ACTA2: variants seen among roughly 807,000 people sequenced by gnomAD.
ACTA2 encodes the protein actin, aortic smooth muscle.
In ACTA2, 12 loss-of-function variants were observed where a neutral mutation model predicts 39.5. The ratio of observed to expected loss-of-function variants is 0.30; its 90% confidence interval spans 0.19 to 0.49. The LOEUF (loss-of-function observed/expected upper bound fraction) is 0.49, where lower values mean the gene tolerates loss of function less well. ACTA2 is among the 20% of genes least tolerant of loss of function. ACTA2 has a pLI of 0.99. For missense variants in ACTA2, 236 were observed against 498.8 expected (o/e 0.47, Z 5.02); for synonymous variants, 158 against 180.6 (o/e 0.88, Z 1.00).
chr10:88,990,820 A>T lies in ACTA2; in HGVS notation c.-24+119T>A. 6.2e-7 allele frequency: 1 copy of T among 1,613,466 alleles called. No individual in the cohort carries two copies. The highest frequency in any genetic ancestry group is 1.1e-5 in the South Asian group (1 of 91,058). ...TGCCTCTTCTCCCGCGGGTTGGTGG[A>T]CCCGCTCAGTACGGAGTTGGGGAAG... On this transcript the variant is annotated intron_variant, in intron 1 of 4. Coordinates refer to the ACTA2 transcript ENST00000415557. This position sits in a 1 kb window ranked among gnomAD's most constrained non-coding sequence, Gnocchi z 4.9.
intron 3 of ACTA2, among the ~76,000 whole-genome samples, chr10:88,945,013 G>A (rs1322401537): frequency 6.6e-6 from 1 of 152,208 alleles, no homozygotes; most frequent in African/African-American, 2.4e-5. Context: ...GAAGGGAAAT[G>A]AAACTTCTGA....
At chr10:88,943,206 A>G (rs550204443) in intron 4 of ACTA2, among the ~76,000 whole-genome samples, 2 of 152,326 alleles carry the variant, frequency 1.3e-5, no homozygotes, top group Middle Eastern at 3.4e-3. Flanking sequence ...GGTGGGCTGG[A>G]TGGGATTCTA....
chr10:88,967,862 C>A (rs2133314232), intron 1 of ACTA2, among the ~76,000 whole-genome samples: 1 of 152,262 alleles, frequency 6.6e-6, no homozygotes, highest in South Asian at 2.1e-4. Context: ...TCCCTTTCTT[C>A]CTCTGGAGAA....
rs553575906 is a variant in ACTA2 at position 88,979,585 on chromosome 10, T to G, written c.-24+11354A>C. Among the ~76,000 whole-genome samples the G allele has an allele frequency of 1.1e-4, 16 of 151,988 alleles. 1 individual carries two copies. In the East Asian group the frequency reaches 2.9e-3, roughly 27 times the overall value. ...ACACTAGGGCTGTTCTCTCTCACTC[T>G]CCCTCTCTTTTAATTGTTAATGATG... On this transcript the variant is annotated intron_variant, in intron 1 of 4. Transcript: ENST00000415557.
chr10:88,986,644 A>G (rs988191010), intron 1 of ACTA2, among the ~76,000 whole-genome samples: 1 of 152,122 alleles, frequency 6.6e-6, no homozygotes. Flanking sequence ...GAAAGGAAGT[A>G]GTACAGAAAG....
chr10:88,939,736 G>T (rs764855634), intron 6 of ACTA2, 38 bp from the exon 7 acceptor site: 2 of 1,609,650 alleles, frequency 1.2e-6, no homozygotes, highest in South Asian at 2.2e-5. Flanking sequence ...AAACATTAGG[G>T]TCTGCACAGG....
At chr10:88,962,976 T>G (rs867407855) in intron 1 of ACTA2, among the ~76,000 whole-genome samples, 4 of 81,884 alleles carry the variant, frequency 4.9e-5, no homozygotes, top group Non-Finnish European at 7.1e-5. Flanking sequence ...TATATATATA[T>G]AATATTTTTT....
chr10:88,942,245 A>C (rs76269114), intron 4 of ACTA2, among the ~76,000 whole-genome samples: 3,047 of 152,180 alleles, frequency 0.02, 53 homozygotes, highest in South Asian at 0.084. Flanking sequence ...ACTAAATGAG[A>C]TCTCCCATTT....
At chr10:88,989,113 T>C (rs1847016393) in intron 1 of ACTA2, among the ~76,000 whole-genome samples, 1 of 152,158 alleles carries the variant, frequency 6.6e-6, no homozygotes, top group Non-Finnish European at 1.5e-5. Flanking sequence ...TTTGGCTACA[T>C]TTTTTTATTT....
At chr10:88,958,196 A>G (rs936056329) in intron 1 of ACTA2, among the ~76,000 whole-genome samples, 1 of 152,230 alleles carries the variant, frequency 6.6e-6, no homozygotes, top group African/African-American at 2.4e-5. Context: ...GGCAGACTAA[A>G]TTGATTTCGT....
At chr10:88,984,293 T>G (rs1846807097) in intron 1 of ACTA2, among the ~76,000 whole-genome samples, 1 of 152,046 alleles carries the variant, frequency 6.6e-6, no homozygotes, top group Non-Finnish European at 1.5e-5. Context: ...CTCCTAGGGC[T>G]GTTGTAGAGA....
intron 1 of ACTA2, among the ~76,000 whole-genome samples, chr10:88,967,000 T>C (rs1421198684): frequency 6.6e-6 from 1 of 152,196 alleles, no homozygotes; most frequent in Non-Finnish European, 1.5e-5. Context: ...GAGGGCAGGC[T>C]GTGTGCCAAG....
chr10:88,946,096 AT>A (rs1220425339), intron 3 of ACTA2, among the ~76,000 whole-genome samples: 2 of 151,726 alleles, frequency 1.3e-5, no homozygotes, highest in East Asian at 1.9e-4. Flanking sequence ...AGGCAAGGAC[AT>A]TTTTTTCCTT....
At chr10:88,938,408 C>G (rs1310544707) in intron 7 of ACTA2, 166 bp from the exon 8 acceptor site, 2 of 723,566 alleles carry the variant, frequency 2.8e-6, no homozygotes, top group African/African-American at 3.5e-5. Context: ...TTGTTATGCT[C>G]TATGTCTTCC....
At chr10:88,965,704 GT>G (rs1314053869) in intron 1 of ACTA2, among the ~76,000 whole-genome samples, 1 of 152,076 alleles carries the variant, frequency 6.6e-6, no homozygotes, top group Non-Finnish European at 1.5e-5. Flanking sequence ...TTTCCCCTGC[GT>G]TTCTGCAAAG....
upstream of ACTA2, among the ~76,000 whole-genome samples, chr10:88,956,532 G>A (rs1293293805): frequency 6.6e-6 from 1 of 152,166 alleles, no homozygotes; most frequent in East Asian, 1.9e-4. Context: ...TATCTGCAAA[G>A]TCACCATTTT....
At chr10:88,960,211 C>A (rs1326357796) in intron 1 of ACTA2, among the ~76,000 whole-genome samples, 1 of 152,130 alleles carries the variant, frequency 6.6e-6, no homozygotes, top group African/African-American at 2.4e-5. Flanking sequence ...GAATAAAAAT[C>A]TATTTTTGAT....
chr10:88,989,499 G>A lies in ACTA2; in HGVS notation c.-24+1440C>T, dbSNP rs2234767. The A allele has an allele frequency of 0.13, 72,620 of 543,676 alleles. 6,468 individuals carry two copies. The highest frequency in any genetic ancestry group is 0.42 in the East Asian group (9,932 of 23,514). 33.7% of individuals were successfully genotyped at this position (543,676 alleles called of 1,614,324 possible). A position where few individuals can be genotyped will look rare whatever the true frequency, so the allele number is the denominator to read the frequency against. On this transcript the variant is annotated intron_variant, in intron 1 of 4. Coordinates refer to the ACTA2 transcript ENST00000415557. Reference sequence around the variant, plus strand: ...CAGAGTGTGTGCACAAGGCTGGCACGCCCAGGGTCTTCCTCATGGCACTAA... The same window carrying A: ...CAGAGTGTGTGCACAAGGCTGGCACACCCAGGGTCTTCCTCATGGCACTAA...
At chr10:88,944,659 C>T (rs1424881238) in intron 3 of ACTA2, among the ~76,000 whole-genome samples, 1 of 152,186 alleles carries the variant, frequency 6.6e-6, no homozygotes, top group Non-Finnish European at 1.5e-5. Context: ...CTGGATCTTC[C>T]ACTCACAGTC....
Sources: gnomAD v4.1 joint callset for allele counts (sites outside exome capture counted in the v4.1 genomes callset) on GRCh38, gnomAD v4.1.1 for gene constraint, Gnocchi (gnomAD v3.1) non-coding constraint, MANE v1.5 for transcripts, NCBI Gene and HGNC (gene_info 2026-07-23, HGNC 2026-07-21) for gene names.